PCSK2: variants seen among roughly 807,000 people sequenced by gnomAD.
PCSK2 encodes the protein neuroendocrine convertase 2.
Under a neutral mutation model 69.7 loss-of-function variants are expected in PCSK2, and 14 were observed. The ratio of observed to expected loss-of-function variants is 0.20; its 90% CI spans 0.13 to 0.31. The LOEUF is 0.31. PCSK2 is among the 10% of genes least tolerant of loss of function. The pLI, the probability that PCSK2 is intolerant of heterozygous loss-of-function variation, is 1.00. For synonymous variants in PCSK2, 307 were observed against 320.7 expected, an observed-to-expected ratio of 0.96 and a Z score of 0.46; for missense variants, 544 against 842.5, an observed-to-expected ratio of 0.65 and a Z score of 4.39.
intron 11 of PCSK2, among the ~76,000 whole-genome samples, chr20:17,478,901 T>C (rs1189441686): frequency 6.6e-6 from 1 of 152,268 alleles, no homozygotes; most frequent in Non-Finnish European, 1.5e-5. Context: ...TAAATGATGC[T>C]GTATAGAATA....
At chr20:17,409,745 AC>A in intron 6 of PCSK2, among the ~76,000 whole-genome samples, 1 of 152,188 alleles carries the variant, frequency 6.6e-6, no homozygotes, top group Admixed American at 6.5e-5. Context: ...TTCTGCTATA[AC>A]CCCATAACAG....
intron 2 of PCSK2, among the ~76,000 whole-genome samples, chr20:17,341,043 GA>G (rs1990496384): frequency 6.6e-6 from 1 of 152,102 alleles, no homozygotes; most frequent in Non-Finnish European, 1.5e-5. Flanking sequence ...TTGAGGTCAG[GA>G]GTTCGAGAGC....
intron 2 of PCSK2, among the ~76,000 whole-genome samples, chr20:17,294,946 TTGCTC>T (rs1448405971): frequency 1.1e-4 from 16 of 152,184 alleles, no homozygotes; most frequent in African/African-American, 3.9e-4. Flanking sequence ...TTCTTTCTCT[TTGCTC>T]TGGGATAATT....
chr20:17,288,931 T>A (rs1027936866), intron 2 of PCSK2, among the ~76,000 whole-genome samples: 2 of 152,216 alleles, frequency 1.3e-5, no homozygotes, highest in East Asian at 1.9e-4. Flanking sequence ...AAAGACTGCG[T>A]GAAGCTATCC....
In PCSK2 at chr20:17,347,960, G is replaced by GAA. The variant is rs1375546256; in HGVS notation, c.283-10366_283-10365insAA. Among the ~76,000 whole-genome samples, 61 of 68,082 alleles carry GAA rather than the reference G, an allele frequency of 9.0e-4. 2 individuals are homozygous for GAA. Among genetic ancestry groups the GAA allele is most frequent in the African/African-American group, 3.0e-3 (40 of 13,264 alleles). 44.7% of individuals were successfully genotyped at this position (68,082 alleles called of 152,430 possible). A position where few individuals can be genotyped will look rare whatever the true frequency, so the allele number is the denominator to read the frequency against. ...AGAAAGAAAGAAAGAAAGAAAGAAA[G>GAA]AGAAAGAAAGAAAGAAAGAAAGAGG... On this transcript the variant is annotated intron_variant, in intron 2 of 11. Transcript: ENST00000262545.
chr20:17,386,389 A>T (rs533899944), intron 5 of PCSK2, among the ~76,000 whole-genome samples: 6 of 152,244 alleles, frequency 3.9e-5, no homozygotes, highest in African/African-American at 1.4e-4. Flanking sequence ...TATTACATAC[A>T]TATAATGGAA....
intron 5 of PCSK2, among the ~76,000 whole-genome samples, chr20:17,382,174 C>T (rs965663751): frequency 7.2e-5 from 11 of 152,136 alleles, no homozygotes; most frequent in Admixed American, 2.6e-4. Context: ...TCTCCCACCT[C>T]TTCTCCCTGC....
intron 2 of PCSK2, among the ~76,000 whole-genome samples, chr20:17,307,830 T>A (rs1989374582): frequency 6.6e-6 from 1 of 152,142 alleles, no homozygotes; most frequent in Non-Finnish European, 1.5e-5. Flanking sequence ...CACTTTGCTA[T>A]AAAAAAACAC....
At chr20:17,273,193 C>A (rs1987935706) in intron 2 of PCSK2, among the ~76,000 whole-genome samples, 1 of 152,112 alleles carries the variant, frequency 6.6e-6, no homozygotes, top group Admixed American at 6.6e-5. Context: ...TAGATTAATT[C>A]AGCTAAGGAT....
intron 2 of PCSK2, among the ~76,000 whole-genome samples, chr20:17,287,626 G>T (rs1409507825): frequency 6.6e-6 from 1 of 152,158 alleles, no homozygotes; most frequent in Non-Finnish European, 1.5e-5. Context: ...TTATCTTATG[G>T]AAGAAGGTCC....
At chr20:17,318,455 T>A (rs1255415088) in intron 2 of PCSK2, among the ~76,000 whole-genome samples, 2 of 152,182 alleles carry the variant, frequency 1.3e-5, no homozygotes, top group Non-Finnish European at 2.9e-5. Context: ...TCATTTCATA[T>A]AGATGAAAAA....
chr20:17,344,038 G>T (rs2123177837), intron 2 of PCSK2, among the ~76,000 whole-genome samples: 1 of 152,328 alleles, frequency 6.6e-6, no homozygotes, highest in South Asian at 2.1e-4. Flanking sequence ...CTTTCTCCTG[G>T]TATTTCTCAA....
chr20:17,409,422 C>G (rs1284440279), intron 6 of PCSK2, 83 bp downstream of exon 6: 6 of 887,626 alleles, frequency 6.8e-6, no homozygotes, highest in Non-Finnish European at 1.1e-5. Flanking sequence ...TTGACTACCA[C>G]CAGCAAAATA....
At chr20:17,266,539 C>T (rs796581736) in intron 2 of PCSK2, among the ~76,000 whole-genome samples, 1 of 152,266 alleles carries the variant, frequency 6.6e-6, no homozygotes, top group African/African-American at 2.4e-5. Context: ...GAATTCACTC[C>T]CTAAGGCGTG....
At chr20:17,311,424 T>C (rs1321181554) in intron 2 of PCSK2, among the ~76,000 whole-genome samples, 2 of 152,094 alleles carry the variant, frequency 1.3e-5, no homozygotes, top group Non-Finnish European at 2.9e-5. Context: ...CTTATCCCAA[T>C]AGAAGCAATT....
intron 2 of PCSK2, among the ~76,000 whole-genome samples, chr20:17,265,802 A>T (rs1987576844): frequency 6.6e-6 from 1 of 152,192 alleles, no homozygotes; most frequent in African/African-American, 2.4e-5. Flanking sequence ...AAGAGTCTTA[A>T]GGAAACATTG....
At chr20:17,448,920 C>T (rs929421737) in intron 8 of PCSK2, among the ~76,000 whole-genome samples, 1 of 143,760 alleles carries the variant, frequency 7.0e-6, no homozygotes, top group Non-Finnish European at 1.5e-5. Context: ...TTTCCTTTCA[C>T]CCAGGCTGGA....
intron 6 of PCSK2, among the ~76,000 whole-genome samples, chr20:17,419,422 C>A (rs1010418396): frequency 6.6e-6 from 1 of 152,142 alleles, no homozygotes; most frequent in Non-Finnish European, 1.5e-5. Context: ...TTGCAATGAG[C>A]AAAATACATT....
intron 6 of PCSK2, among the ~76,000 whole-genome samples, chr20:17,414,762 T>A (rs886914239): frequency 6.6e-6 from 1 of 152,180 alleles, no homozygotes; most frequent in Admixed American, 6.5e-5. Flanking sequence ...ATGTCCCTGA[T>A]GAACATTGAT....
Sources: allele counts gnomAD v4.1 joint callset (sites outside exome capture counted in the v4.1 genomes callset), GRCh38; gene constraint gnomAD v4.1.1; transcripts MANE v1.5; gene names NCBI Gene and HGNC (gene_info 2026-07-23, HGNC 2026-07-21).